Variants in SORCS3 observed in about 807,000 individuals in gnomAD.
SORCS3 encodes VPS10 domain-containing receptor SorCS3.
A neutral mutation model predicts 146.3 loss-of-function variants in SORCS3; 57 were observed. The observed-to-expected ratio is 0.39, with a 90% CI of 0.31 to 0.49. The LOEUF (loss-of-function observed/expected upper bound fraction) is 0.49. SORCS3 is among the 20% of genes least tolerant of loss of function. The probability of loss-of-function intolerance (pLI) is 0.92; values close to 1 mark genes in which losing one functional copy is unlikely to be tolerated. For missense variants in SORCS3, 1,341 were observed against 1,575.5 expected, an observed-to-expected ratio of 0.85 and a Z score of 2.52; for synonymous variants, 653 against 618.5, an observed-to-expected ratio of 1.06 and a Z score of -0.83.
In SORCS3 at chr10:104,661,771, T is replaced by C. The variant is rs2015705234; in HGVS notation, c.627+19817T>C. 2.0e-5 allele frequency among the ~76,000 whole-genome samples: 3 copies of C among 152,340 alleles called. No homozygotes were observed. In the South Asian group the frequency reaches 6.2e-4, roughly 32 times the overall value. Reference sequence around the variant, plus strand: ...TAAAATATCTTGAACAAATTCCTAATTGCACTTCAGTACTGTGATCGATGA... The same window carrying C: ...TAAAATATCTTGAACAAATTCCTAACTGCACTTCAGTACTGTGATCGATGA... On this transcript the variant is annotated intron_variant, in intron 1 of 26. Transcript: ENST00000369701.
chr10:105,247,752 AAG>A (rs2056875886), intron 22 of SORCS3, among the ~76,000 whole-genome samples: 1 of 308 alleles, frequency 3.2e-3, no homozygotes, highest in Non-Finnish European at 0.015. Context: ...TGTCAAAAAG[AAG>A]AAGAAGAAGA....
At chr10:105,249,379 T>A (rs1201424889) in intron 22 of SORCS3, among the ~76,000 whole-genome samples, 1 of 152,112 alleles carries the variant, frequency 6.6e-6, no homozygotes, top group Non-Finnish European at 1.5e-5. Flanking sequence ...TGTTAGGCTC[T>A]CTAAAGAGGA....
chr10:104,869,099 G>T (rs574238860), intron 2 of SORCS3, among the ~76,000 whole-genome samples: 1 of 151,996 alleles, frequency 6.6e-6, no homozygotes, highest in African/African-American at 2.4e-5. Flanking sequence ...TCTATGTTAA[G>T]GTTCTCTAGA....
intron 1 of SORCS3, among the ~76,000 whole-genome samples, chr10:104,736,633 C>T (rs2016776330): frequency 1.3e-5 from 2 of 152,150 alleles, no homozygotes; most frequent in African/African-American, 4.8e-5. Flanking sequence ...AATGGTTTTT[C>T]TGTTGTCTTT....
chr10:104,806,713 A>C (rs2017683079), intron 1 of SORCS3, among the ~76,000 whole-genome samples: 1 of 152,222 alleles, frequency 6.6e-6, no homozygotes, highest in Admixed American at 6.5e-5. Flanking sequence ...AAGTAGTTTA[A>C]AATGGTATAT....
chr10:105,246,947 A>G (rs2056870032), intron 21 of SORCS3, among the ~76,000 whole-genome samples: 1 of 152,226 alleles, frequency 6.6e-6, no homozygotes, highest in South Asian at 2.1e-4. Context: ...GGAGTTTCAT[A>G]ATTGTCTTTC....
intron 2 of SORCS3, among the ~76,000 whole-genome samples, chr10:104,869,529 T>C (rs570281446): frequency 1.4e-4 from 22 of 152,310 alleles, no homozygotes; most frequent in African/African-American, 5.3e-4. Context: ...AGAAATAATG[T>C]TTAACCAGAT....
chr10:104,791,430 A>G (rs537119765), intron 1 of SORCS3, among the ~76,000 whole-genome samples: 100 of 152,286 alleles, frequency 6.6e-4, no homozygotes, highest in African/African-American at 1.8e-3. Flanking sequence ...TTCAGCCTTT[A>G]TGCAAGTAAG....
chr10:104,649,606 C>T (rs963974418), intron 1 of SORCS3, among the ~76,000 whole-genome samples: 13 of 152,298 alleles, frequency 8.5e-5, no homozygotes, highest in African/African-American at 2.9e-4. Context: ...TTTCAACCAC[C>T]TCCCATAGTT....
At chr10:104,708,979 G>A (rs375881210) in intron 1 of SORCS3, among the ~76,000 whole-genome samples, 9 of 152,336 alleles carry the variant, frequency 5.9e-5, no homozygotes, top group Middle Eastern at 3.4e-3. Context: ...GCTCATTAGC[G>A]TGCAGTGGAG....
At chr10:104,780,165 C>T (rs2017358623) in intron 1 of SORCS3, among the ~76,000 whole-genome samples, 1 of 150,062 alleles carries the variant, frequency 6.7e-6, no homozygotes, top group Non-Finnish European at 1.5e-5. Flanking sequence ...CACAACGGAG[C>T]AATTTGATGG....
At chr10:104,751,947 AT>A (rs2016991093) in intron 1 of SORCS3, among the ~76,000 whole-genome samples, 2 of 115,222 alleles carry the variant, frequency 1.7e-5, no homozygotes, top group African/African-American at 3.8e-5. Context: ...ATATATATAT[AT>A]ATATATATAT....
At chr10:105,153,130 CAA>C (rs1423106403) in intron 9 of SORCS3, among the ~76,000 whole-genome samples, 1 of 152,134 alleles carries the variant, frequency 6.6e-6, no homozygotes, top group Admixed American at 6.5e-5. Context: ...TTCTCTACCC[CAA>C]AGTCACCGAC....
rs142971218 is a variant in SORCS3 at position 105,195,186 on chromosome 10, T to G, written c.2010-4813T>G. On this transcript the variant is annotated intron_variant, in intron 14 of 26. Coordinates refer to ENST00000369701, the MANE Select transcript of SORCS3 (RefSeq NM_014978.3). Reference sequence around the variant, plus strand: ...AACCACTTTGTTCCCCCTGTAAAAGTACTACACATATGAGAAGTGTGCTGT... The same window carrying G: ...AACCACTTTGTTCCCCCTGTAAAAGGACTACACATATGAGAAGTGTGCTGT... Among the ~76,000 whole-genome samples the G allele has an allele frequency of 3.3e-5, 5 of 152,334 alleles. No individual in the cohort carries two copies. The East Asian group carries it at 9.6e-4, about 29-fold the overall frequency.
chr10:105,077,521 A>AACACACAC (rs60182481), intron 5 of SORCS3, among the ~76,000 whole-genome samples: 192 of 116,654 alleles, frequency 1.6e-3, no homozygotes, highest in East Asian at 0.011. Flanking sequence ...GACTAAATTA[A>AACACACAC]ACACACACAC....
At chr10:105,262,581 AG>A (rs2056968614) in intron 26 of SORCS3, 90 bp downstream of exon 26, 1 of 1,357,628 alleles carries the variant, frequency 7.4e-7, no homozygotes, top group African/African-American at 1.4e-5. Flanking sequence ...ACTGGACTGG[AG>A]GGTGGGGACA....
chr10:105,235,926 A>C (rs2056790811), intron 20 of SORCS3, among the ~76,000 whole-genome samples: 1 of 152,060 alleles, frequency 6.6e-6, no homozygotes, highest in Non-Finnish European at 1.5e-5. Context: ...TATATAGTAA[A>C]ACTATACTAT....
At chr10:104,795,704 C>T (rs974761308) in intron 1 of SORCS3, among the ~76,000 whole-genome samples, 4 of 152,196 alleles carry the variant, frequency 2.6e-5, no homozygotes, top group East Asian at 1.9e-4. Flanking sequence ...TGTTGATAAC[C>T]GCTAAGTTGG....
At chr10:105,033,280 A>G (rs1269076807) in intron 4 of SORCS3, among the ~76,000 whole-genome samples, 1 of 152,204 alleles carries the variant, frequency 6.6e-6, no homozygotes, top group Non-Finnish European at 1.5e-5. Context: ...TTCAACAGCA[A>G]GAAGGTAACA....
Sources: allele counts gnomAD v4.1 joint callset (sites outside exome capture counted in the v4.1 genomes callset), GRCh38; gene constraint gnomAD v4.1.1; transcripts MANE v1.5; gene names NCBI Gene and HGNC (gene_info 2026-07-23, HGNC 2026-07-21).